Variants in LRRIQ1 observed in about 807,000 individuals in gnomAD.
LRRIQ1 encodes leucine rich repeats and IQ motif containing 1, also known as leucine-rich repeat- and IQ domain-containing protein 1.
Under a neutral mutation model 211.9 loss-of-function variants are expected in LRRIQ1, and 210 were observed. The observed-to-expected ratio is 0.99, with a 90% CI of 0.89 to 1.11. The LOEUF (loss-of-function observed/expected upper bound fraction) is 1.11, where lower values mean the gene tolerates loss of function less well. LRRIQ1 is among the 50% of genes most tolerant of loss of function. LRRIQ1 has a pLI of 0.00. For synonymous variants in LRRIQ1, 699 were observed against 650.1 expected (o/e 1.08, Z -1.14); for missense variants, 2,136 against 1,939.5 (o/e 1.10, Z -1.90).
chr12:85,245,509 TTA>T (rs144897710), downstream of LRRIQ1, among the ~76,000 whole-genome samples: 29,289 of 148,752 alleles, frequency 0.2, 7,149 homozygotes, highest in African/African-American at 0.58. Context: ...TATAATACAT[TTA>T]TATAACATAT....
At chr12:85,083,051 C>G (rs928248199) in intron 11 of LRRIQ1, among the ~76,000 whole-genome samples, 1 of 152,160 alleles carries the variant, frequency 6.6e-6, no homozygotes, top group Non-Finnish European at 1.5e-5. Context: ...TCCCACTCTA[C>G]TGAATATTGA....
intron 24 of LRRIQ1, among the ~76,000 whole-genome samples, chr12:85,212,809 G>A (rs1415571553): frequency 6.7e-6 from 1 of 149,998 alleles, no homozygotes; most frequent in Non-Finnish European, 1.5e-5. Context: ...GAAAGAGAGA[G>A]AGAAAGAGAG....
intron 24 of LRRIQ1, among the ~76,000 whole-genome samples, chr12:85,166,809 A>G (rs1891174501): frequency 6.6e-6 from 1 of 152,244 alleles, no homozygotes; most frequent in Admixed American, 6.5e-5. Context: ...CAAAATTATC[A>G]TGGATGCAAA....
At chr12:85,102,958 AAATATAT>A (rs1402374283) in intron 13 of LRRIQ1, among the ~76,000 whole-genome samples, 16 of 118,400 alleles carry the variant, frequency 1.4e-4, no homozygotes, top group African/African-American at 2.0e-4. Context: ...AAAAAAAAAA[AAATATAT>A]ATATATATAT....
downstream of LRRIQ1, chr12:85,245,106 C>G: frequency 1.1e-5 from 13 of 1,196,134 alleles, no homozygotes; most frequent in Non-Finnish European, 1.4e-5. Context: ...CTAAAATTAA[C>G]TGCATCAGTT....
chr12:85,161,825 G>T (rs1396446460), intron 24 of LRRIQ1, among the ~76,000 whole-genome samples: 2 of 152,150 alleles, frequency 1.3e-5, no homozygotes, highest in East Asian at 1.9e-4. Flanking sequence ...CAGATCACGA[G>T]ATCAGGAGAT....
chr12:85,155,205 G>A (rs887844808), intron 23 of LRRIQ1, among the ~76,000 whole-genome samples: 1 of 151,250 alleles, frequency 6.6e-6, no homozygotes, highest in Admixed American at 6.6e-5. Flanking sequence ...TTACTTTTTT[G>A]TGATAACATT....
In LRRIQ1 at chr12:85,167,175, T is replaced by C. The variant is rs1353237020; in HGVS notation, c.4822+6461T>C. Reference sequence around the variant, plus strand: ...CAGGCATTTAATTTTTTAGGAAGACTTTTCTGATTCTAGTTTAGAACACCA... The same window carrying C: ...CAGGCATTTAATTTTTTAGGAAGACCTTTCTGATTCTAGTTTAGAACACCA... On this transcript the variant is annotated intron_variant, in intron 24 of 26. Coordinates refer to ENST00000393217, the MANE Select transcript of LRRIQ1 (RefSeq NM_001079910.2). Among the ~76,000 whole-genome samples, 3 of 152,200 alleles carry C rather than the reference T, an allele frequency of 2.0e-5. No homozygotes were observed. In the East Asian group the frequency reaches 5.8e-4, roughly 29 times the overall value.
intron 9 of LRRIQ1, among the ~76,000 whole-genome samples, chr12:85,065,802 G>T (rs750989335): frequency 1.3e-5 from 2 of 151,832 alleles, no homozygotes; most frequent in Non-Finnish European, 2.9e-5. Context: ...TTATGTAACT[G>T]CAGTGAGATG....
chr12:85,231,778 A>G (rs555378726), intron 25 of LRRIQ1, among the ~76,000 whole-genome samples: 1 of 152,308 alleles, frequency 6.6e-6, no homozygotes, highest in South Asian at 2.1e-4. Flanking sequence ...CTGCAAGAAT[A>G]GCACCAAGGC....
intron 23 of LRRIQ1, among the ~76,000 whole-genome samples, chr12:85,160,403 T>C (rs1995684): frequency 0.011 from 1,746 of 152,168 alleles, 23 homozygotes; most frequent in East Asian, 0.074. Context: ...TCTTTAAGTA[T>C]TGGCTATTTG....
intron 26 of LRRIQ1, among the ~76,000 whole-genome samples, chr12:85,233,868 G>C (rs1368545870): frequency 1.3e-5 from 2 of 152,082 alleles, no homozygotes. Context: ...GGCACAGATT[G>C]GTTAGTGGCC....
intron 7 of LRRIQ1, among the ~76,000 whole-genome samples, chr12:85,054,319 A>G (rs753172234): frequency 3.9e-5 from 6 of 152,176 alleles, no homozygotes; most frequent in Non-Finnish European, 8.8e-5. Flanking sequence ...ATAGTGTTGG[A>G]AGCATCCAGA....
chr12:85,101,833 T>C (rs553942134), intron 13 of LRRIQ1, among the ~76,000 whole-genome samples: 2 of 151,886 alleles, frequency 1.3e-5, no homozygotes, highest in East Asian at 3.9e-4. Context: ...CTTTGATTGA[T>C]TTTTGCAAAG....
chr12:85,252,968 AAT>A (rs1282953868), intron 1 of LRRIQ1, among the ~76,000 whole-genome samples: 2 of 151,192 alleles, frequency 1.3e-5, no homozygotes, highest in African/African-American at 4.8e-5. Context: ...GATTACACTT[AAT>A]ATAAGTAAAT....
At chr12:85,148,811 G>T (rs989798650) in intron 19 of LRRIQ1, among the ~76,000 whole-genome samples, 2 of 152,008 alleles carry the variant, frequency 1.3e-5, no homozygotes, top group African/African-American at 4.8e-5. Flanking sequence ...ACCAGCGTCT[G>T]TTGTTTCTTT....
At position 85,237,669 on chromosome 12, in the gene LRRIQ1, C is replaced by T. The variant is rs560348007; in HGVS notation, c.5016+4913C>T. Among the ~76,000 whole-genome samples the T allele has an allele frequency of 3.3e-5, 5 of 152,144 alleles. No homozygotes were observed. In the South Asian group the frequency reaches 1.0e-3, roughly 32 times the overall value. ...TTAGTTAAGACCATGTAAAGTTAAA[C>T]TTTAGGAAGGGGTGACTCTAGCCCT... is the stretch of plus-strand genomic sequence containing the variant. On this transcript the variant is annotated intron_variant, in intron 26 of 26. Coordinates refer to ENST00000393217, the MANE Select transcript of LRRIQ1 (RefSeq NM_001079910.2).
At chr12:85,049,696 T>A (rs1372401715) in intron 6 of LRRIQ1, among the ~76,000 whole-genome samples, 1 of 152,246 alleles carries the variant, frequency 6.6e-6, no homozygotes, top group Non-Finnish European at 1.5e-5. Context: ...ATTTATACTG[T>A]ATCAATTTTT....
intron 13 of LRRIQ1, among the ~76,000 whole-genome samples, chr12:85,102,955 A>ATATAT (rs1555207722): frequency 3.3e-4 from 39 of 119,396 alleles, no homozygotes; most frequent in African/African-American, 1.3e-3. Context: ...AAAAAAAAAA[A>ATATAT]AAAAATATAT....
Sources: gnomAD v4.1 joint callset for allele counts (sites outside exome capture counted in the v4.1 genomes callset) on GRCh38, gnomAD v4.1.1 for gene constraint, MANE v1.5 for transcripts, NCBI Gene and HGNC (gene_info 2026-07-23, HGNC 2026-07-21) for gene names.